Variants in SPG11 observed in about 807,000 individuals in gnomAD.
SPG11 encodes spatacsin.
In SPG11, 222 loss-of-function variants were observed where a neutral mutation model predicts 274.0. That is an observed-to-expected ratio of 0.81 (90% confidence interval 0.73 to 0.91). The LOEUF (loss-of-function observed/expected upper bound fraction) is 0.91. Among genes scored for constraint, SPG11 ranks in the 40% least tolerant of loss-of-function variants. The pLI is 0.00. For synonymous variants in SPG11, 1,144 were observed against 1,039.7 expected, an observed-to-expected ratio of 1.10 and a Z score of -1.93; for missense variants, 3,114 against 2,872.7, an observed-to-expected ratio of 1.08 and a Z score of -1.92.
chr15:44,625,672 A>G (rs781149002), intron 11 of SPG11, among the ~76,000 whole-genome samples: 1 of 151,952 alleles, frequency 6.6e-6, no homozygotes, highest in Non-Finnish European at 1.5e-5. Context: ...CAGGTAGTTC[A>G]TTATTATTTA....
At chr15:44,654,736 T>C (rs1395730918) in intron 4 of SPG11, among the ~76,000 whole-genome samples, 1 of 151,828 alleles carries the variant, frequency 6.6e-6, no homozygotes, top group African/African-American at 2.4e-5. Flanking sequence ...CTCAGGATGC[T>C]GAGACAGGAG....
chr15:44,636,920 C>A (rs2084273902), intron 7 of SPG11, among the ~76,000 whole-genome samples: 1 of 45,428 alleles, frequency 2.2e-5, no homozygotes, highest in Non-Finnish European at 3.8e-5. Context: ...AGCAAGACTC[C>A]ATCTCAAAAA....
chr15:44,612,218 C>T (rs1244559943), intron 17 of SPG11, among the ~76,000 whole-genome samples: 2 of 152,054 alleles, frequency 1.3e-5, no homozygotes, highest in Non-Finnish European at 2.9e-5. Flanking sequence ...TAGCACTTAA[C>T]AATAGTCTGT....
intron 11 of SPG11, among the ~76,000 whole-genome samples, 193 bp from the exon 12 acceptor site, chr15:44,622,992 A>C (rs1232829513): frequency 6.6e-6 from 1 of 152,172 alleles, no homozygotes; most frequent in East Asian, 1.9e-4. Flanking sequence ...TGTGCTGCCT[A>C]GGCTGGAGTA....
In SPG11 at chr15:44,613,424, C is replaced by G. The variant is rs751757649; in HGVS notation, c.3145+6G>C. On this transcript the variant is annotated splice_donor_region_variant and intron_variant, in intron 17 of 39. Transcript: ENST00000261866. ...AGTTTCTGTGTTTAATACAGTATAC[C>G]CATACCTGTTAAGTTACTGGCAACT... is the stretch of plus-strand genomic sequence containing the variant. 1.3e-6 allele frequency: 2 copies of G among 1,582,684 alleles called. No homozygotes were observed. The highest frequency in any genetic ancestry group is 2.7e-5 in the African/African-American group (2 of 74,212).
intron 25 of SPG11, 26 bp downstream of exon 25, chr15:44,596,057 T>TA (rs747698964): frequency 6.2e-7 from 1 of 1,612,424 alleles, no homozygotes; most frequent in Non-Finnish European, 8.5e-7. Flanking sequence ...TCTGGGTACT[T>TA]ACTTCAGGCT....
chr15:44,615,277 A>G (rs1567164346), intron 16 of SPG11, 86 bp downstream of exon 16: 1 of 1,288,234 alleles, frequency 7.8e-7, no homozygotes, highest in Non-Finnish European at 1.1e-6. Context: ...AATGCTTACT[A>G]TTTTCCTAAA....
chr15:44,606,822 T>G (rs1348828572), intron 19 of SPG11, among the ~76,000 whole-genome samples: 1 of 152,154 alleles, frequency 6.6e-6, no homozygotes, highest in African/African-American at 2.4e-5. Flanking sequence ...AAAAATTAAA[T>G]CAGTCCACTT....
intron 28 of SPG11, among the ~76,000 whole-genome samples, chr15:44,588,910 A>T: frequency 6.6e-6 from 1 of 152,196 alleles, no homozygotes; most frequent in Non-Finnish European, 1.5e-5. Context: ...ACTGACAGGC[A>T]AAATATCTCT....
rs312262782 is a variant in SPG11 at position 44,567,435 on chromosome 15, GACTC to G, written c.6739_6742del (p.Glu2247LeufsTer14). ...GTGACCTCACTCACCCCAGGGCTGA[GACTC>G]AATCAATTTCAGTTGGATGCGGGCA... is the stretch of plus-strand genomic sequence containing the variant. On this transcript the variant is annotated frameshift_variant, in exon 36 of 40. Transcript: ENST00000261866. LOFTEE classifies it high-confidence loss of function. 80 of 1,613,580 alleles carry G rather than the reference GACTC, an allele frequency of 5.0e-5. No individual in the cohort carries two copies. Among genetic ancestry groups the G allele is most frequent in the Non-Finnish European group, 5.5e-5 (65 of 1,179,910 alleles).
chr15:44,603,035 A>AC (rs2140987985), intron 20 of SPG11, among the ~76,000 whole-genome samples: 1 of 149,196 alleles, frequency 6.7e-6, no homozygotes, highest in Non-Finnish European at 1.5e-5. Context: ...AACTCACTGT[A>AC]CCTTTCTCCA....
intron 21 of SPG11, chr15:44,600,255 T>C (rs2083151317): frequency 5.6e-6 from 3 of 531,584 alleles, no homozygotes; most frequent in Non-Finnish European, 3.4e-6. Context: ...TATACAGATA[T>C]GCCCTTTTTT....
intron 20 of SPG11, among the ~76,000 whole-genome samples, chr15:44,604,958 A>G (rs2083284038): frequency 1.3e-5 from 2 of 151,348 alleles, no homozygotes; most frequent in South Asian, 4.2e-4. Context: ...AAAAAAAAAA[A>G]AAGTATTACA....
At chr15:44,631,313 A>G (rs1334632674) in intron 8 of SPG11, among the ~76,000 whole-genome samples, 1 of 152,204 alleles carries the variant, frequency 6.6e-6, no homozygotes, top group Admixed American at 6.5e-5. Context: ...TAGTAAGTAT[A>G]TATTATTAAC....
At position 44,659,120 on chromosome 15, in the gene SPG11, C is replaced by T. The variant is rs780637441; in HGVS notation, c.626G>A (p.Cys209Tyr). Residue 209 changes from cysteine to tyrosine, a missense_variant, in exon 3 of 40, where the codon TGC (cysteine) becomes TAC (tyrosine). By Grantham distance (194) the Cys-to-Tyr change is radical. Transcript: ENST00000261866. The stretch of plus-strand genomic sequence containing the variant: ...ACTCAAAACAAAAAGAATTCCTCTG[C>T]AGAGCTGCGTGTCAATAATCATGTC... The part of the protein sequence containing the change: ...AVDMIIDTQL[C>Y]RGILFVLSSL... 15 of 1,614,090 alleles carry T rather than the reference C, an allele frequency of 9.3e-6. No individual in the cohort carries two copies. Among genetic ancestry groups the T allele is most frequent in the Non-Finnish European group, 4.2e-6 (5 of 1,180,048 alleles).
intron 31 of SPG11, among the ~76,000 whole-genome samples, chr15:44,574,251 G>A (rs1480807925): frequency 6.6e-6 from 1 of 152,164 alleles, no homozygotes; most frequent in African/African-American, 2.4e-5. Flanking sequence ...TAATCCACCC[G>A]CCTCGGCCTC....
At chr15:44,658,287 C>T (rs1036491987) in intron 3 of SPG11, among the ~76,000 whole-genome samples, 1 of 152,010 alleles carries the variant, frequency 6.6e-6, no homozygotes, top group Non-Finnish European at 1.5e-5. Context: ...TTTGTCAAAT[C>T]TTCAGAATAA....
intron 15 of SPG11, among the ~76,000 whole-genome samples, chr15:44,617,322 G>T (rs986212243): frequency 6.6e-6 from 1 of 152,172 alleles, no homozygotes; most frequent in African/African-American, 2.4e-5. Flanking sequence ...TTCACTTATA[G>T]CATTTTCCAT....
Position 44,598,738 on chromosome 15 carries a change from C to T in SPG11, c.3785G>A (p.Gly1262Asp). 6.2e-7 allele frequency: 1 copy of T among 1,614,110 alleles called. No homozygotes were observed. Among genetic ancestry groups the T allele is most frequent in the Non-Finnish European group, 8.5e-7 (1 of 1,180,022 alleles). The change falls in exon 22 of 40, where the codon GGC becomes GAC. Residue 1262 changes from glycine to aspartate, a missense_variant. Gly to Asp is a moderately conservative substitution (Grantham distance 94). Transcript: ENST00000261866. ...AACVCFLELL[G>D]LDSLKLRVDM... is the part of the protein sequence containing the mutation. Reference sequence around the variant, plus strand: ...AACTCTGAGCTTGAGGCTGTCAAGGCCAAGCAATTCTAAGAAACAAACACA... The same window carrying T: ...AACTCTGAGCTTGAGGCTGTCAAGGTCAAGCAATTCTAAGAAACAAACACA...
Sources: gnomAD v4.1 joint callset for allele counts (sites outside exome capture counted in the v4.1 genomes callset) on GRCh38, gnomAD v4.1.1 for gene constraint, MANE v1.5 for transcripts, NCBI Gene and HGNC (gene_info 2026-07-23, HGNC 2026-07-21) for gene names.